Variants in PAK3 observed in about 807,000 individuals in gnomAD.
The protein encoded by PAK3 is serine/threonine-protein kinase PAK 3.
A neutral mutation model predicts 41.0 loss-of-function variants in PAK3; 4 were observed. The observed-to-expected ratio is 0.10, with a 90% CI of 0.05 to 0.22. The LOEUF is 0.22. PAK3 is among the 10% of genes least tolerant of loss of function. The pLI, the probability that PAK3 is intolerant of heterozygous loss-of-function variation, is 1.00. For missense variants in PAK3, 205 were observed against 409.9 expected (o/e 0.50, Z 4.32); for synonymous variants, 146 against 139.6 (o/e 1.05, Z -0.32).
chrX:111,163,886 A>G (rs2094220378), intron 10 of PAK3, among the ~76,000 whole-genome samples, 159 bp downstream of exon 10: 2 of 112,249 alleles, frequency 1.8e-5, no homozygotes, highest in Admixed American at 1.9e-4. Context: ...CATATGCCAG[A>G]ACACTTTCTC....
At chrX:111,210,918 A>G (rs925353737) in intron 16 of PAK3, among the ~76,000 whole-genome samples, 1 of 112,002 alleles carries the variant, frequency 8.9e-6, no homozygotes, top group African/African-American at 3.2e-5. Flanking sequence ...CTTCAATACT[A>G]AAACCCAGGA....
intron 1 of PAK3, among the ~76,000 whole-genome samples, chrX:111,050,238 A>G (rs907643702): frequency 5.7e-4 from 63 of 111,104 alleles, no homozygotes; most frequent in African/African-American, 2.1e-3. Flanking sequence ...GGCTGTGAGG[A>G]AGCACCGTGA....
intron 1 of PAK3, among the ~76,000 whole-genome samples, chrX:110,948,701 C>T (rs929357241): frequency 9.0e-6 from 1 of 110,952 alleles, no homozygotes; most frequent in Non-Finnish European, 1.9e-5. Flanking sequence ...TCAGTCTCTA[C>T]CCCAAAATGA....
At chrX:111,067,069 A>G (rs1392672789) in intron 1 of PAK3, among the ~76,000 whole-genome samples, 1 of 111,906 alleles carries the variant, frequency 8.9e-6, no homozygotes, top group African/African-American at 3.2e-5. Context: ...TTATCCGTTG[A>G]CTACCTCAGA....
chrX:111,037,039 G>C (rs972806430), intron 1 of PAK3, among the ~76,000 whole-genome samples: 1 of 111,480 alleles, frequency 9.0e-6, no homozygotes, highest in East Asian at 2.8e-4. Flanking sequence ...CTGCCTCCGA[G>C]GTTCAAGTGA....
At position 110,969,023 on chromosome X, in the gene PAK3, G is replaced by A. The variant is rs1602579428; in HGVS notation, c.-28+24395G>A. Among the ~76,000 whole-genome samples, 3 of 107,174 alleles carry A rather than the reference G, an allele frequency of 2.8e-5. No homozygotes were observed. The Admixed American group carries it at 3.1e-4, about 11-fold the overall frequency. 93.1% of individuals were successfully genotyped at this position (107,174 alleles called of 115,157 possible). ...TTTTGTGTGAGGTATGAGAGCCCGGGTTTAAGTGATTCTCGTGCCTCAGCC... is the reference window on the plus strand; with the variant it reads ...TTTTGTGTGAGGTATGAGAGCCCGGATTTAAGTGATTCTCGTGCCTCAGCC... On this transcript the variant is annotated intron_variant, in intron 1 of 14. Coordinates refer to the PAK3 transcript ENST00000425146.
At chrX:111,122,740 T>C (rs905538171) in intron 4 of PAK3, among the ~76,000 whole-genome samples, 2 of 111,885 alleles carry the variant, frequency 1.8e-5, no homozygotes, top group Non-Finnish European at 3.8e-5. Flanking sequence ...AGGATAGAAT[T>C]TTAAAATAAG....
At chrX:111,133,248 T>C (rs1161181765) in intron 5 of PAK3, among the ~76,000 whole-genome samples, 11 of 111,593 alleles carry the variant, frequency 9.9e-5, no homozygotes, top group African/African-American at 2.9e-4. Flanking sequence ...CAACATGCAA[T>C]ATGCATCCCT....
At chrX:111,051,466 T>C (rs2092557208) in intron 1 of PAK3, among the ~76,000 whole-genome samples, 1 of 111,991 alleles carries the variant, frequency 8.9e-6, no homozygotes, top group African/African-American at 3.2e-5. Flanking sequence ...AGAATTGCTC[T>C]TGTGCCCATT....
At chrX:111,057,635 A>G (rs184465713) in intron 1 of PAK3, among the ~76,000 whole-genome samples, 3 of 112,003 alleles carry the variant, frequency 2.7e-5, no homozygotes, top group Admixed American at 1.9e-4. Flanking sequence ...TTTTATTTTG[A>G]CAGCCAGGAT....
chrX:111,039,634 C>T (rs147501864), intron 1 of PAK3, among the ~76,000 whole-genome samples: 1,183 of 111,385 alleles, frequency 0.011, 19 homozygotes, highest in African/African-American at 0.037. Context: ...CTTTAATAGA[C>T]CATGTAGACA....
intron 1 of PAK3, among the ~76,000 whole-genome samples, chrX:110,995,769 T>TCCCCTTGC (rs2148677276): frequency 9.0e-6 from 1 of 111,102 alleles, no homozygotes; most frequent in Non-Finnish European, 1.9e-5. Flanking sequence ...GTTACACTCT[T>TCCCCTTGC]CCCCTTGCCC....
chrX:111,166,063 C>T (rs1226667890), intron 10 of PAK3, among the ~76,000 whole-genome samples: 1 of 110,439 alleles, frequency 9.1e-6, no homozygotes, highest in East Asian at 2.9e-4. Context: ...GCCAACCTTA[C>T]ATTGGATTTG....
In PAK3 at chrX:110,947,865, C is replaced by G. The variant is rs1016305270; in HGVS notation, c.-28+3237C>G. Among the ~76,000 whole-genome samples the G allele has an allele frequency of 9.9e-5, 11 of 111,488 alleles. No homozygotes were observed. The East Asian group carries it at 2.5e-3, about 26-fold the overall frequency. On this transcript the variant is annotated intron_variant, in intron 1 of 14. Transcript: ENST00000425146. ...ACCCCTCCAGGCTTTCCTTCCTTCC[C>G]CCCTCTTTAAAATGAGGTTGATAAT...
intron 4 of PAK3, among the ~76,000 whole-genome samples, chrX:111,121,164 C>A (rs2093561954): frequency 8.9e-6 from 1 of 111,758 alleles, no homozygotes; most frequent in Middle Eastern, 4.2e-3. Context: ...GTAGTTTGAC[C>A]TAAATAGGAA....
At chrX:111,112,263 C>G (rs1056988814) in intron 4 of PAK3, among the ~76,000 whole-genome samples, 11 of 109,622 alleles carry the variant, frequency 1.0e-4, no homozygotes, top group African/African-American at 3.6e-4. Flanking sequence ...CCCTAATCTC[C>G]TTAATACACG....
intron 1 of PAK3, among the ~76,000 whole-genome samples, chrX:111,086,400 C>T (rs1011572365): frequency 4.5e-5 from 5 of 111,184 alleles, no homozygotes; most frequent in African/African-American, 6.5e-5. Flanking sequence ...TAATTTCAAC[C>T]GGAGTGTAGG....
At chrX:111,186,635 G>A (rs1162065908) in intron 11 of PAK3, among the ~76,000 whole-genome samples, 2 of 111,253 alleles carry the variant, frequency 1.8e-5, no homozygotes, top group African/African-American at 6.5e-5. Context: ...AAACAAGAGA[G>A]GACACAAACA....
intron 16 of PAK3, among the ~76,000 whole-genome samples, chrX:111,215,982 A>G (rs1603400712): frequency 8.9e-6 from 1 of 112,202 alleles, no homozygotes; most frequent in Admixed American, 9.4e-5. Context: ...TTCAAACAAG[A>G]TAAGCACTTA....
Sources: allele counts gnomAD v4.1 joint callset (sites outside exome capture counted in the v4.1 genomes callset), GRCh38; gene constraint gnomAD v4.1.1; transcripts MANE v1.5; gene names NCBI Gene and HGNC (gene_info 2026-07-23, HGNC 2026-07-21).